Variants in KCNJ6 observed in about 807,000 individuals in gnomAD.
The protein encoded by KCNJ6 is potassium inwardly rectifying channel subfamily J member 6, also known as G protein-activated inward rectifier potassium channel 2.
A neutral mutation model predicts 34.2 loss-of-function variants in KCNJ6; 9 were observed. The ratio of observed to expected loss-of-function variants is 0.26; its 90% CI spans 0.16 to 0.46. The LOEUF (loss-of-function observed/expected upper bound fraction) is 0.46, where lower values mean the gene tolerates loss of function less well. Among genes scored for constraint, KCNJ6 ranks in the 20% least tolerant of loss-of-function variants. KCNJ6 has a pLI of 1.00. For missense variants in KCNJ6, 236 were observed against 531.3 expected (o/e 0.44, Z 5.46); for synonymous variants, 196 against 207.1 (o/e 0.95, Z 0.46).
At chr21:37,651,256 A>G (rs976269046) in intron 3 of KCNJ6, among the ~76,000 whole-genome samples, 1 of 152,196 alleles carries the variant, frequency 6.6e-6, no homozygotes, top group African/African-American at 2.4e-5. Flanking sequence ...GGACAGTCAT[A>G]CATGAGATAA....
chr21:37,771,719 AATTTCTAGTG>A, intron 2 of KCNJ6, among the ~76,000 whole-genome samples: 1 of 152,196 alleles, frequency 6.6e-6, no homozygotes, highest in Non-Finnish European at 1.5e-5. Context: ...ATGACCACCT[AATTTCTAGTG>A]AATGATTTTT....
intron 1 of KCNJ6, among the ~76,000 whole-genome samples, chr21:37,853,425 C>T (rs1259322685): frequency 6.6e-6 from 1 of 151,966 alleles, no homozygotes; most frequent in Non-Finnish European, 1.5e-5. Context: ...AATTTTATAG[C>T]AGCAAAAATG....
At chr21:37,840,773 G>A in intron 1 of KCNJ6, 64 bp from the exon 2 acceptor site, 1 of 845,036 alleles carries the variant, frequency 1.2e-6, no homozygotes, top group Non-Finnish European at 1.9e-6. Context: ...TGATCTAATT[G>A]CCATTTACAG....
At chr21:37,851,095 G>T (rs1386711621) in intron 1 of KCNJ6, among the ~76,000 whole-genome samples, 1 of 152,158 alleles carries the variant, frequency 6.6e-6, no homozygotes, top group Non-Finnish European at 1.5e-5. Context: ...TATAACCCAT[G>T]TGGAGCCCCT....
intron 2 of KCNJ6, among the ~76,000 whole-genome samples, chr21:37,772,585 T>A (rs1336950462): frequency 6.6e-6 from 1 of 152,212 alleles, no homozygotes; most frequent in African/African-American, 2.4e-5. Context: ...GACAAAATTA[T>A]AAAGCTCAAG....
At chr21:37,822,110 A>G (rs973050073) in intron 2 of KCNJ6, among the ~76,000 whole-genome samples, 3 of 152,204 alleles carry the variant, frequency 2.0e-5, no homozygotes, top group African/African-American at 7.2e-5. Flanking sequence ...TGAAGCTACT[A>G]TTCTCAGGTG....
chr21:37,670,712 C>T (rs574957894), intron 3 of KCNJ6, among the ~76,000 whole-genome samples: 26 of 152,276 alleles, frequency 1.7e-4, no homozygotes, highest in African/African-American at 5.8e-4. Flanking sequence ...CTGCAGTCAC[C>T]CAAGATCGTG....
chr21:37,912,832 T>C (rs1273532191), intron 1 of KCNJ6, among the ~76,000 whole-genome samples: 1 of 152,154 alleles, frequency 6.6e-6, no homozygotes, highest in Non-Finnish European at 1.5e-5. Flanking sequence ...ATGCAATATC[T>C]TTAGAAACAA....
chr21:37,731,103 G>GT (rs1185443959), intron 2 of KCNJ6, among the ~76,000 whole-genome samples: 1 of 89,044 alleles, frequency 1.1e-5, no homozygotes, highest in African/African-American at 5.6e-5. Context: ...TGAGAGAAGT[G>GT]TGTGTGTGTG....
chr21:37,647,841 C>G (rs2054412887), intron 3 of KCNJ6, among the ~76,000 whole-genome samples: 1 of 152,220 alleles, frequency 6.6e-6, no homozygotes, highest in Admixed American at 6.5e-5. Flanking sequence ...ACTTTGGGAA[C>G]TGTGAGTAAC....
intron 2 of KCNJ6, among the ~76,000 whole-genome samples, chr21:37,794,517 A>G (rs879798090): frequency 2.0e-5 from 3 of 152,262 alleles, no homozygotes; most frequent in Admixed American, 1.3e-4. Context: ...TTAGTTCTTT[A>G]TCGTTACACA....
At chr21:37,717,172 G>A (rs1206647193) in intron 2 of KCNJ6, 1 of 154,348 alleles carries the variant, frequency 6.5e-6, no homozygotes. Context: ...TAGTCTGACA[G>A]CTTTGACTTT....
intron 1 of KCNJ6, among the ~76,000 whole-genome samples, chr21:37,897,749 G>A (rs866405358): frequency 3.9e-5 from 6 of 152,292 alleles, no homozygotes; most frequent in East Asian, 1.9e-4. Context: ...CCAGGGGTCC[G>A]TGCAGACTGG....
chr21:37,814,842 C>T (rs1263913928), intron 2 of KCNJ6, among the ~76,000 whole-genome samples: 1 of 145,468 alleles, frequency 6.9e-6, no homozygotes, highest in Non-Finnish European at 1.5e-5. Context: ...AGCTTGCAGT[C>T]AGCCGAGATG....
In KCNJ6 at chr21:37,644,935, A is replaced by T. The variant is rs144124173; in HGVS notation, c.947-19451T>A. 3.3e-3 allele frequency among the ~76,000 whole-genome samples: 484 copies of T among 146,820 alleles called. 7 individuals are homozygous for T. The South Asian group carries it at 0.041, about 12-fold the overall frequency. On this transcript the variant is annotated intron_variant, in intron 3 of 3. Coordinates refer to ENST00000609713, the MANE Select transcript of KCNJ6 (RefSeq NM_002240.5). ...TCCGCATCCTTTCTAAAAGATTCCA[A>T]GGTGCCCTTCTCATGGGGAGGAGGG...
chr21:37,890,696 C>G (rs2055757935), intron 1 of KCNJ6, among the ~76,000 whole-genome samples: 1 of 152,116 alleles, frequency 6.6e-6, no homozygotes, highest in African/African-American at 2.4e-5. Context: ...AAATCATGTA[C>G]AAAGGAATAA....
intron 2 of KCNJ6, among the ~76,000 whole-genome samples, chr21:37,810,084 T>C (rs2055315058): frequency 6.6e-6 from 1 of 152,184 alleles, no homozygotes; most frequent in Non-Finnish European, 1.5e-5. Context: ...CAATGTAACA[T>C]TTTAGTGAGA....
chr21:37,815,703 G>A (rs2055343461), intron 2 of KCNJ6, among the ~76,000 whole-genome samples: 1 of 152,234 alleles, frequency 6.6e-6, no homozygotes, highest in South Asian at 2.1e-4. Flanking sequence ...ACCCCTCTGA[G>A]TATGTCAGGT....
At chr21:37,810,842 G>A (rs1198781461) in intron 2 of KCNJ6, among the ~76,000 whole-genome samples, 4 of 152,158 alleles carry the variant, frequency 2.6e-5, no homozygotes, top group East Asian at 1.9e-4. Flanking sequence ...GAGCAATAGC[G>A]GTGCTAAGGT....
Sources: gnomAD v4.1 joint callset for allele counts (sites outside exome capture counted in the v4.1 genomes callset) on GRCh38, gnomAD v4.1.1 for gene constraint, MANE v1.5 for transcripts, NCBI Gene and HGNC (gene_info 2026-07-23, HGNC 2026-07-21) for gene names.